NCKAP5: variants seen among roughly 807,000 people sequenced by gnomAD.
NCKAP5 encodes the protein nck-associated protein 5.
NCKAP5 carries 92 observed loss-of-function variants against 167.0 expected under a neutral mutation model. The observed-to-expected ratio is 0.55, with a 90% CI of 0.47 to 0.66. NCKAP5 has a LOEUF of 0.66. Among genes scored for constraint, NCKAP5 ranks in the 30% least tolerant of loss-of-function variants. The pLI is 0.00. For missense variants in NCKAP5, 2,378 were observed against 2,315.0 expected, an observed-to-expected ratio of 1.03 and a Z score of -0.56; for synonymous variants, 891 against 877.4, an observed-to-expected ratio of 1.02 and a Z score of -0.27.
chr2:132,745,265 C>T (rs912476893), intron 16 of NCKAP5, among the ~76,000 whole-genome samples: 3 of 151,654 alleles, frequency 2.0e-5, no homozygotes, highest in African/African-American at 7.3e-5. Flanking sequence ...CACCAAGTGG[C>T]ATTTACCCAA....
At position 133,130,024 on chromosome 2, in the gene NCKAP5, C is replaced by T; in HGVS notation, c.295G>A (p.Glu99Lys). The change falls in exon 6 of 20, where the codon GAA becomes AAA. Residue 99 changes from glutamate (E) to lysine (K), a missense_variant. By Grantham distance (56) the Glu-to-Lys change is moderately conservative (BLOSUM62 1). Transcript: ENST00000409261. The stretch of plus-strand genomic sequence containing the variant: ...CTACGCATCTGAATTCTGTTGCGTT[C>T]AGACTCTAGGGTCACCTCCTGCAAC... ...KRLQEVTLES[E>K]RNRIQMRSLQ... The T allele has an allele frequency of 6.2e-7, 1 of 1,611,354 alleles. No homozygotes were observed.
At chr2:133,480,088 T>C (rs554770461) in intron 3 of NCKAP5, among the ~76,000 whole-genome samples, 14 of 151,984 alleles carry the variant, frequency 9.2e-5, no homozygotes, top group African/African-American at 3.4e-4. Context: ...TGTACCACCA[T>C]GCCCGGCTAA....
chr2:133,099,085 G>C (rs1251986346), intron 6 of NCKAP5, among the ~76,000 whole-genome samples: 2 of 152,110 alleles, frequency 1.3e-5, no homozygotes, highest in Non-Finnish European at 2.9e-5. Flanking sequence ...TAGTATTACT[G>C]AATATTAGTT....
chr2:133,462,690 A>G (rs942850643), intron 3 of NCKAP5, among the ~76,000 whole-genome samples: 1 of 152,162 alleles, frequency 6.6e-6, no homozygotes, highest in Non-Finnish European at 1.5e-5. Context: ...AATGGGGAGA[A>G]TAATAACCAT....
intron 4 of NCKAP5, among the ~76,000 whole-genome samples, chr2:133,270,606 T>C (rs1050783619): frequency 1.3e-5 from 2 of 152,172 alleles, no homozygotes; most frequent in African/African-American, 2.4e-5. Context: ...GCAACAAAAG[T>C]ACTGGAGGCT....
intron 4 of NCKAP5, among the ~76,000 whole-genome samples, chr2:133,282,825 C>A (rs553847375): frequency 6.6e-6 from 1 of 152,300 alleles, no homozygotes; most frequent in Admixed American, 6.5e-5. Context: ...AGAAACATAG[C>A]AAGTGGTAGA....
rs191098156 is a variant in NCKAP5, at chr2:133,387,938, A to T, written c.70-84828T>A. On this transcript the variant is annotated intron_variant, in intron 3 of 19. Coordinates refer to ENST00000409261, the MANE Select transcript of NCKAP5 (RefSeq NM_207363.3). Reference sequence around the variant, plus strand: ...TCTGCATTGGTTATTCTAGTTAGCCATTCATCCAATCTTTTTTCAAGGTTT... The same window carrying T: ...TCTGCATTGGTTATTCTAGTTAGCCTTTCATCCAATCTTTTTTCAAGGTTT... Among the ~76,000 whole-genome samples the T allele has an allele frequency of 2.7e-3, 417 of 152,248 alleles. 1 individual carries two copies. The highest frequency in any genetic ancestry group is 9.7e-3 in the African/African-American group (404 of 41,548).
At chr2:133,358,173 A>C (rs183253483) in intron 3 of NCKAP5, among the ~76,000 whole-genome samples, 1 of 152,298 alleles carries the variant, frequency 6.6e-6, no homozygotes, top group East Asian at 1.9e-4. Context: ...CCAGTTACGT[A>C]TCTGTTTCTT....
intron 11 of NCKAP5, among the ~76,000 whole-genome samples, chr2:132,844,142 GA>G (rs1255570955): frequency 6.6e-6 from 1 of 152,056 alleles, no homozygotes; most frequent in African/African-American, 2.4e-5. Context: ...ACAAAAATAA[GA>G]ATATGTAATA....
chr2:133,610,130 T>C, the NCKAP5 span, among the ~76,000 whole-genome samples: 4 of 152,218 alleles, frequency 2.6e-5, no homozygotes, highest in Non-Finnish European at 5.9e-5. Flanking sequence ...AGAAGCTTAA[T>C]ATGAGTTCTT....
At chr2:133,636,880 G>C in the NCKAP5 span, among the ~76,000 whole-genome samples, 1 of 151,664 alleles carries the variant, frequency 6.6e-6, no homozygotes, top group Non-Finnish European at 1.5e-5. Flanking sequence ...GAAATAGTAG[G>C]TTAGAAAAAA....
At chr2:133,630,800 A>G in the NCKAP5 span, among the ~76,000 whole-genome samples, 1 of 152,184 alleles carries the variant, frequency 6.6e-6, no homozygotes, top group Non-Finnish European at 1.5e-5. Context: ...ACCAGCACAG[A>G]CCAGAAAAAC....
intron 3 of NCKAP5, among the ~76,000 whole-genome samples, chr2:133,506,049 C>G (rs1682975622): frequency 6.6e-6 from 1 of 152,190 alleles, no homozygotes. Flanking sequence ...ATCTACCAAA[C>G]ATTTCAACTC....
At chr2:132,834,908 G>A (rs537197673) in intron 11 of NCKAP5, among the ~76,000 whole-genome samples, 150 of 152,254 alleles carry the variant, frequency 9.9e-4, no homozygotes, top group African/African-American at 3.5e-3. Context: ...TAGAGAAAAC[G>A]CTTTTAACTT....
At position 133,331,228 on chromosome 2, in the gene NCKAP5, T is replaced by C. The variant is rs550837079; in HGVS notation, c.70-28118A>G. The stretch of plus-strand genomic sequence containing the variant: ...AAATATAAATATTTATACTCCTTTT[T>C]TGTTGGCAGGTTTTAATAGTTAAAG... On this transcript the variant is annotated intron_variant, in intron 3 of 19. Transcript: ENST00000409261. 3.9e-5 allele frequency among the ~76,000 whole-genome samples: 6 copies of C among 152,358 alleles called. No homozygotes were observed. The East Asian group carries it at 1.2e-3, about 29-fold the overall frequency.
chr2:132,891,541 C>T lies in NCKAP5; in HGVS notation c.580-12625G>A, dbSNP rs578039143. On this transcript the variant is annotated intron_variant, in intron 8 of 19. Transcript: ENST00000409261. The stretch of plus-strand genomic sequence containing the variant: ...GTTTTGTTTATGAGTCTGCCTCTCT[C>T]TCCTACATCAGTGACTCTCATTGGG... 1.2e-3 allele frequency among the ~76,000 whole-genome samples: 187 copies of T among 152,306 alleles called. 1 individual carries two copies. The highest frequency in any genetic ancestry group is 4.6e-3 in the Admixed American group (70 of 15,302).
At chr2:133,025,312 A>C (rs1223717215) in intron 6 of NCKAP5, among the ~76,000 whole-genome samples, 1 of 152,246 alleles carries the variant, frequency 6.6e-6, no homozygotes, top group Non-Finnish European at 1.5e-5. Flanking sequence ...TAAAGCTACT[A>C]ATCAGTCAGC....
At chr2:132,988,160 C>T (rs2077344234) in intron 7 of NCKAP5, among the ~76,000 whole-genome samples, 1 of 152,132 alleles carries the variant, frequency 6.6e-6, no homozygotes. Flanking sequence ...TTGTTCTGTT[C>T]TAAGGGTTTC....
chr2:133,548,687 T>C (rs924199526), intron 2 of NCKAP5, among the ~76,000 whole-genome samples: 4 of 151,932 alleles, frequency 2.6e-5, no homozygotes, highest in African/African-American at 4.8e-5. Context: ...CTGAGAGATT[T>C]TGTCACCACT....
Sources: gnomAD v4.1 joint callset for allele counts (sites outside exome capture counted in the v4.1 genomes callset) on GRCh38, gnomAD v4.1.1 for gene constraint, MANE v1.5 for transcripts, NCBI Gene and HGNC (gene_info 2026-07-23, HGNC 2026-07-21) for gene names.